The following LPIN2 variants were observed in gnomAD, a reference collection of about 807,000 sequenced individuals.
LPIN2 encodes phosphatidate phosphatase LPIN2.
Under a neutral mutation model 111.4 loss-of-function variants are expected in LPIN2, and 55 were observed. The ratio of observed to expected loss-of-function variants is 0.49; its 90% confidence interval spans 0.40 to 0.62. The LOEUF is 0.62. Ranked by LOEUF, LPIN2 falls within the 20% of genes least tolerant of loss-of-function variation. LPIN2 has a pLI of 0.00. For missense variants in LPIN2, 992 were observed against 1,112.1 expected (o/e 0.89, Z 1.54); for synonymous variants, 425 against 414.0 (o/e 1.03, Z -0.32).
chr18:2,945,853 TAC>T lies in LPIN2; in HGVS notation c.591-5143_591-5142del, dbSNP rs143912511. The T allele has an allele frequency of 4.4e-3, 6,539 of 1,472,576 alleles. 238 individuals are homozygous for T. The African/African-American group carries it at 0.082, about 18-fold the overall frequency. The allele number at this position is 1,472,576 out of a possible 1,614,324, so 91.2% of individuals were successfully genotyped here. On this transcript the variant is annotated intron_variant, in intron 4 of 19. Coordinates refer to ENST00000677752, the MANE Select transcript of LPIN2 (RefSeq NM_001375808.2). ...CCTCCAGTCTGATGCCAGTCATGTC[TAC>T]ATGGAACAACTTTTTTCCCAGCATC...
At chr18:2,982,444 T>TA (rs1344490580) in intron 1 of LPIN2, among the ~76,000 whole-genome samples, 1 of 152,100 alleles carries the variant, frequency 6.6e-6, no homozygotes, top group Non-Finnish European at 1.5e-5. Flanking sequence ...TAACAACGAA[T>TA]AGAGATAGCA....
intron 2 of LPIN2, among the ~76,000 whole-genome samples, chr18:2,956,465 T>G (rs2077619270): frequency 1.3e-5 from 2 of 152,134 alleles, no homozygotes; most frequent in African/African-American, 4.8e-5. Flanking sequence ...ATACTATTCT[T>G]CAATAAAAGG....
chr18:2,973,294 A>C (rs1296864531), intron 1 of LPIN2, among the ~76,000 whole-genome samples: 2 of 152,218 alleles, frequency 1.3e-5, no homozygotes, highest in African/African-American at 4.8e-5. Context: ...CCACCACTAT[A>C]ATCAAGATAC....
intron 1 of LPIN2, among the ~76,000 whole-genome samples, chr18:2,992,736 C>T (rs2078283416): frequency 6.6e-6 from 1 of 152,006 alleles, no homozygotes; most frequent in Non-Finnish European, 1.5e-5. Flanking sequence ...GTAATCCCAG[C>T]ACTTTGGGAG....
intron 11 of LPIN2, 49 bp from the exon 12 acceptor site, chr18:2,927,860 G>A: frequency 1.4e-6 from 2 of 1,465,136 alleles, no homozygotes; most frequent in Non-Finnish European, 1.9e-6. Flanking sequence ...TGGCCACACA[G>A]CACCTACCTT....
rs572520058 is a variant in LPIN2, at chr18:2,986,039, G to A, written c.-9-25190C>T. 1.1e-4 allele frequency among the ~76,000 whole-genome samples: 16 copies of A among 152,252 alleles called. No individual in the cohort carries two copies. In the East Asian group the frequency reaches 2.3e-3, roughly 22 times the overall value. ...CAAAGGGAACATGTAAAGGACCATG[G>A]CTCACCTGAAACAAATGTTTTCATT... On this transcript the variant is annotated intron_variant, in intron 1 of 19. Transcript: ENST00000677752.
intron 1 of LPIN2, chr18:2,985,465 T>C (rs931138847): frequency 1.3e-5 from 2 of 151,148 alleles, no homozygotes; most frequent in Non-Finnish European, 2.9e-5. Context: ...AAAAAGTGCA[T>C]AGAATTTGGA....
At chr18:2,937,567 AAAAAG>A in intron 7 of LPIN2, 120 bp downstream of exon 7, 22 of 726,384 alleles carry the variant, frequency 3.0e-5, no homozygotes, top group Middle Eastern at 2.8e-4. Flanking sequence ...AAAAAAAAAA[AAAAAG>A]TGCGACGGGT....
chr18:2,941,401 G>C (rs2077365368), intron 4 of LPIN2, among the ~76,000 whole-genome samples: 2 of 152,132 alleles, frequency 1.3e-5, no homozygotes. Flanking sequence ...TTGGGTAGGG[G>C]GTTACACTAC....
chr18:2,987,905 G>A (rs181523847), intron 1 of LPIN2, among the ~76,000 whole-genome samples: 166 of 151,068 alleles, frequency 1.1e-3, no homozygotes, highest in Non-Finnish European at 1.8e-3. Flanking sequence ...TGAGTGTGGT[G>A]GCTCACGCCT....
intron 1 of LPIN2, among the ~76,000 whole-genome samples, chr18:2,973,895 G>A (rs2077964659): frequency 6.6e-6 from 1 of 152,154 alleles, no homozygotes; most frequent in Non-Finnish European, 1.5e-5. Flanking sequence ...TTTTCCACTT[G>A]TGGCATCAGA....
intron 5 of LPIN2, among the ~76,000 whole-genome samples, 153 bp from the exon 6 acceptor site, chr18:2,939,756 A>C (rs937010693): frequency 2.0e-5 from 3 of 152,220 alleles, no homozygotes; most frequent in African/African-American, 7.2e-5. Context: ...TATTTCTTCC[A>C]CTTGAGTTCT....
chr18:2,922,242 G>C, intron 16 of LPIN2, 43 bp from the exon 17 acceptor site: 1 of 1,596,944 alleles, frequency 6.3e-7, no homozygotes, highest in Non-Finnish European at 8.5e-7. Context: ...TTCTGGCTAA[G>C]GGAAAAGAAA....
Position 2,924,430 on chromosome 18 carries a change from G to T in LPIN2, c.2055C>A (p.Ile685=). ...TIYLWNWNDK[I]IISDIDGTIT... ...TTGTCCCATCAATATCAGAAATGAT[G>T]ATCTTGTCATTCCAGTTCCACAGGT... Residue 685 remains isoleucine, a synonymous_variant, in exon 15 of 20, where the codon ATC becomes ATA. Coordinates refer to ENST00000677752, the MANE Select transcript of LPIN2 (RefSeq NM_001375808.2). 2.5e-6 allele frequency: 4 copies of T among 1,614,188 alleles called. No homozygotes were observed. The highest frequency in any genetic ancestry group is 3.4e-6 in the Non-Finnish European group (4 of 1,180,034).
intron 9 of LPIN2, among the ~76,000 whole-genome samples, chr18:2,930,468 G>A (rs372485423): frequency 6.6e-6 from 1 of 152,130 alleles, no homozygotes; most frequent in African/African-American, 2.4e-5. Flanking sequence ...AAGACTTCAG[G>A]AACACATGGT....
At chr18:3,007,204 T>C (rs2078529481) in intron 1 of LPIN2, among the ~76,000 whole-genome samples, 1 of 152,168 alleles carries the variant, frequency 6.6e-6, no homozygotes, top group African/African-American at 2.4e-5. Context: ...GGAGTCTTGC[T>C]CTGTCGCCCA....
rs927436468 is a variant in LPIN2 at position 2,950,066 on chromosome 18, A to G, written c.590+989T>C. ...CAGTGAGCTATGATTGCACCACTGCACTCCAGCCTGGGCAACACAGGGAGA... is the reference window on the plus strand; with the variant it reads ...CAGTGAGCTATGATTGCACCACTGCGCTCCAGCCTGGGCAACACAGGGAGA... On this transcript the variant is annotated intron_variant, in intron 4 of 19. Transcript: ENST00000677752. Among the ~76,000 whole-genome samples, 4 of 152,258 alleles carry G rather than the reference A, an allele frequency of 2.6e-5. No homozygotes were observed. In the East Asian group the frequency reaches 5.8e-4, roughly 22 times the overall value.
intron 11 of LPIN2, among the ~76,000 whole-genome samples, chr18:2,928,082 A>G (rs573824279): frequency 2.0e-5 from 3 of 152,288 alleles, no homozygotes; most frequent in Non-Finnish European, 2.9e-5. Context: ...TCATTTATCT[A>G]TCTTTGGAAA....
rs1366043563 is a variant in LPIN2, at chr18:2,945,461, A to C, written c.591-4749T>G. ...TGCCACATTCAGTAACACAACAACA[A>C]AACAAAAGATGACAGCAGCAAGCCA... On this transcript the variant is annotated intron_variant, in intron 4 of 19. Coordinates refer to ENST00000677752, the MANE Select transcript of LPIN2 (RefSeq NM_001375808.2). 8.3e-6 allele frequency: 6 copies of C among 725,218 alleles called. No homozygotes were observed. In the East Asian group the frequency reaches 1.6e-4, roughly 19 times the overall value. 44.9% of individuals were successfully genotyped at this position (725,218 alleles called of 1,614,324 possible).
Sources: gnomAD v4.1 joint callset for allele counts (sites outside exome capture counted in the v4.1 genomes callset) on GRCh38, gnomAD v4.1.1 for gene constraint, MANE v1.5 for transcripts, NCBI Gene and HGNC (gene_info 2026-07-23, HGNC 2026-07-21) for gene names.